The following RNF213 variants were observed in gnomAD, a reference collection of about 807,000 sequenced individuals.
The protein encoded by RNF213 is E3 ubiquitin-protein ligase RNF213.
In RNF213, 341 loss-of-function variants were observed where a neutral mutation model predicts 514.4. The observed-to-expected ratio is 0.66, with a 90% CI of 0.61 to 0.73. RNF213 has a LOEUF of 0.73. Among genes scored for constraint, RNF213 ranks in the 30% least tolerant of loss-of-function variants. RNF213 has a pLI of 0.00. For synonymous variants in RNF213, 2,655 were observed against 2,658.2 expected, an observed-to-expected ratio of 1.00 and a Z score of 0.04; for missense variants, 5,767 against 6,615.6, an observed-to-expected ratio of 0.87 and a Z score of 4.45.
chr17:80,335,194 G>T lies in RNF213; in HGVS notation c.4309+924G>T, dbSNP rs548659875. Among the ~76,000 whole-genome samples the T allele has an allele frequency of 5.3e-5, 8 of 152,208 alleles. No homozygotes were observed. The South Asian group carries it at 8.3e-4, about 16-fold the overall frequency. ...CATCTCAGCCTCCCAAAGTGCAGGC[G>T]TGAGCAAGTACAGGCGTGAGCCACC... On this transcript the variant is annotated intron_variant, in intron 22 of 67. Transcript: ENST00000582970.
chr17:80,289,744 A>T lies in RNF213; in HGVS notation c.1019A>T (p.Lys340Met), dbSNP rs148143253. Residue 340 changes from lysine (K) to methionine (M), a missense_variant, in exon 6 of 68, where the codon AAG becomes ATG. Lys to Met is a moderately conservative substitution (Grantham distance 95). Transcript: ENST00000582970. Reference protein sequence around the residue: ...KNEQGEPEDLKKPEGKNRSAA... With the variant: ...KNEQGEPEDLMKPEGKNRSAA... ...GAACAAGGGGAGCCTGAAGACCTCA[A>T]GAAGCCAGAGGGGAAGAACAGAAGT... The T allele has an allele frequency of 1.2e-6, 2 of 1,614,008 alleles. No homozygotes were observed. Among genetic ancestry groups the T allele is most frequent in the Non-Finnish European group, 1.7e-6 (2 of 1,180,024 alleles).
chr17:80,341,801 T>C (rs904271605), intron 26 of RNF213: 1 of 152,184 alleles, frequency 6.6e-6, no homozygotes, highest in East Asian at 1.9e-4. Flanking sequence ...ACTGTACCTT[T>C]TCTACATTTT....
Position 80,345,493 on chromosome 17 carries a change from C to T in RNF213, c.7158C>T (p.Ala2386=), listed in dbSNP as rs1410134613. 2 of 1,610,148 alleles carry T rather than the reference C, an allele frequency of 1.2e-6. No individual in the cohort carries two copies. Among genetic ancestry groups the T allele is most frequent in the Admixed American group, 1.7e-5 (1 of 59,848 alleles). ...RLCLTLGIPQ[A]TDPDKTYELT... ...GCCTGACCTTAGGGATCCCCCAGGCCACCGACCCCGACAAAACGTATGAGC... is the reference window on the plus strand; with the variant it reads ...GCCTGACCTTAGGGATCCCCCAGGCTACCGACCCCGACAAAACGTATGAGC... The change falls in exon 29 of 68, where the codon GCC becomes GCT. Residue 2386 remains alanine (A), a synonymous_variant. Transcript: ENST00000582970. The surrounding 1 kb of genome is among the most constrained non-coding windows in gnomAD (Gnocchi z 6.0).
rs1185228181 is a variant in RNF213 at position 80,383,880 on chromosome 17, G to GA, written c.14279dup (p.Asn4760LysfsTer27). 9 of 1,614,224 alleles carry GA rather than the reference G, an allele frequency of 5.6e-6. No individual in the cohort carries two copies. The highest frequency in any genetic ancestry group is 7.6e-6 in the Non-Finnish European group (9 of 1,180,034). On this transcript the variant is annotated frameshift_variant, in exon 59 of 68. Transcript: ENST00000582970. LOFTEE classifies it high-confidence loss of function. ...AGTACCTCCAGCACATTGTGGAACA[G>GA]AAAAATGGCAAAGAAAGAGTGCCCA...
intron 17 of RNF213, among the ~76,000 whole-genome samples, chr17:80,322,329 TA>T (rs924915742): frequency 7.4e-5 from 11 of 149,566 alleles, no homozygotes; most frequent in African/African-American, 1.7e-4. Flanking sequence ...TTCAGCTAAT[TA>T]AAAAAAAAAT....
intron 36 of RNF213, among the ~76,000 whole-genome samples, chr17:80,358,083 G>A (rs568194044): frequency 2.0e-5 from 3 of 152,190 alleles, no homozygotes; most frequent in Non-Finnish European, 4.4e-5. Flanking sequence ...TTCCAGTTCC[G>A]TCTCTAATCT....
chr17:80,374,740 C>CA (rs1210912562), intron 50 of RNF213, 151 bp downstream of exon 50: 1 of 879,794 alleles, frequency 1.1e-6, no homozygotes, highest in Non-Finnish European at 1.8e-6. Context: ...CCACAGCCTC[C>CA]AGGGCGCACC....
rs1470947925 is a variant in RNF213, at chr17:80,343,312, A to G, written c.6170A>G (p.Asp2057Gly). The G allele has an allele frequency of 1.2e-6, 2 of 1,611,986 alleles. No homozygotes were observed. The highest frequency in any genetic ancestry group is 1.7e-6 in the Non-Finnish European group (2 of 1,179,564). The change falls in exon 27 of 68, where the codon GAC becomes GGC. Residue 2057 changes from aspartate to glycine, a missense_variant. By Grantham distance (94) the Asp-to-Gly change is moderately conservative. Coordinates refer to ENST00000582970, the MANE Select transcript of RNF213 (RefSeq NM_001256071.3). This position sits in a 1 kb window ranked among gnomAD's most constrained non-coding sequence, Gnocchi z 4.3. ...AAGGTCCCCGTGCTCTTTCACCTGG[A>G]CGTGACCTCCTCAGTAAGTGCCCTC... ...YQKVPVLFHL[D>G]VTSSVQTGIW...
At chr17:80,274,916 G>GGTGT (rs1420041349) in intron 3 of RNF213, among the ~76,000 whole-genome samples, 1 of 103,286 alleles carries the variant, frequency 9.7e-6, no homozygotes, top group African/African-American at 3.8e-5. Context: ...GTGTGAGTGG[G>GGTGT]GTGTGAGTGG....
intron 60 of RNF213, 113 bp from the exon 61 acceptor site, chr17:80,385,425 G>A (rs967691344): frequency 2.0e-6 from 2 of 1,000,176 alleles, no homozygotes; most frequent in African/African-American, 3.2e-5. Context: ...AGACATGCTT[G>A]TGACTGCACA....
In RNF213 at chr17:80,336,323, A is replaced by G; in HGVS notation, c.4472A>G (p.His1491Arg). The G allele has an allele frequency of 6.5e-7, 1 of 1,537,282 alleles. No individual in the cohort carries two copies. The highest frequency in any genetic ancestry group is 8.7e-7 in the Non-Finnish European group (1 of 1,146,924). Residue 1491 changes from histidine to arginine, a missense_variant, in exon 23 of 68, where the codon CAT becomes CGT. Transcript: ENST00000582970. ...PSVDFSAFMK[H>R]LKKLWKALDK... ...GTGGACTTCAGTGCATTCATGAAGC[A>G]TCTGAAAAAGCTGTGGAAGGCTCTG... is the stretch of plus-strand genomic sequence containing the variant.
chr17:80,344,878 C>CA lies in RNF213; in HGVS notation c.6544dup (p.Thr2182AsnfsTer49), dbSNP rs1302754122. ...GATTCAATCAAAACCAAGACCTAGA[C>CA]ACGTTTCAGTATCAAGAAGGCTCTG... On this transcript the variant is annotated frameshift_variant, in exon 29 of 68. Transcript: ENST00000582970. LOFTEE classifies it high-confidence loss of function. 1 of 1,614,186 alleles carries CA rather than the reference C, an allele frequency of 6.2e-7. No individual in the cohort carries two copies. Among genetic ancestry groups the CA allele is most frequent in the South Asian group, 1.1e-5 (1 of 91,088 alleles).
intron 57 of RNF213, chr17:80,382,188 T>TA (rs35569924): frequency 0.33 from 50,428 of 154,188 alleles, 8,101 homozygotes; most frequent in African/African-American, 0.38. Context: ...ACAGTTATGT[T>TA]AAAAAAAAAA....
Position 80,288,096 on chromosome 17 carries a change from G to C in RNF213, c.543G>C (p.Glu181Asp). The C allele has an allele frequency of 6.2e-7, 1 of 1,607,798 alleles. No individual in the cohort carries two copies. The highest frequency in any genetic ancestry group is 8.5e-7 in the Non-Finnish European group (1 of 1,176,300). ...CCCTGCAGGCCCAGGCTTTGGGAGA[G>C]GCAGGAGTGGCCACAGGAAGTGAGG... is the stretch of plus-strand genomic sequence containing the variant. ...DSPLQAQALG[E>D]AGVATGSEAQ... is the part of the protein sequence containing the mutation. The change falls in exon 4 of 68, where the codon GAG (glutamate) becomes GAC (aspartate). Residue 181 changes from glutamate (E) to aspartate (D), a missense_variant. Physicochemically the swap from Glu to Asp is conservative, Grantham distance 45. Transcript: ENST00000582970. This position sits in a 1 kb window ranked among gnomAD's most constrained non-coding sequence, Gnocchi z 4.9.
rs1002063557 is a variant in RNF213 at position 80,308,926 on chromosome 17, A to G, written c.2502-92A>G. 1.3e-5 allele frequency: 20 copies of G among 1,487,056 alleles called. No individual in the cohort carries two copies. In the Admixed American group the frequency reaches 2.3e-4, roughly 17 times the overall value. 92.1% of individuals were successfully genotyped at this position (1,487,056 alleles called of 1,614,324 possible). On this transcript the variant is annotated intron_variant, in intron 13 of 67. Transcript: ENST00000582970. Reference sequence around the variant, plus strand: ...TCAAACAAATGCCCTGTTGGTAGTTATTTTGAAGGAAGGAGCTAGTCATCA... The same window carrying G: ...TCAAACAAATGCCCTGTTGGTAGTTGTTTTGAAGGAAGGAGCTAGTCATCA...
Position 80,361,820 on chromosome 17 carries a change from C to A in RNF213, c.11287C>A (p.Leu3763Ile). The change falls in exon 39 of 68, where the codon CTT (leucine) becomes ATT (isoleucine). Residue 3763 changes from leucine to isoleucine, a missense_variant. Leu to Ile is a conservative substitution (Grantham distance 5). Coordinates refer to ENST00000582970, the MANE Select transcript of RNF213 (RefSeq NM_001256071.3). Reference protein sequence around the residue: ...AQLHGEPQQELLQCYLKDFIL... With the variant: ...AQLHGEPQQEILQCYLKDFIL... ...GCTCCATGGAGAGCCGCAGCAGGAA[C>A]TTCTTCAGTGTTACTTGAAGGATTT... The A allele has an allele frequency of 6.2e-7, 1 of 1,614,062 alleles. No homozygotes were observed. Among genetic ancestry groups the A allele is most frequent in the Non-Finnish European group, 8.5e-7 (1 of 1,179,896 alleles).
chr17:80,386,876 C>A lies in RNF213; in HGVS notation c.14907C>A (p.Pro4969=), dbSNP rs1182845441. ...TCAGCCGCTTCCTCCAGGGCAAGCCCCGGCTGAGCCTCAAGGTAGGGCTGA... is the reference window on the plus strand; with the variant it reads ...TCAGCCGCTTCCTCCAGGGCAAGCCACGGCTGAGCCTCAAGGTAGGGCTGA... The part of the protein sequence containing the change: ...QIVSRFLQGK[P]RLSLKGIPTL... The change falls in exon 63 of 68, where the codon CCC becomes CCA. Residue 4969 remains proline, a synonymous_variant. Coordinates refer to ENST00000582970, the MANE Select transcript of RNF213 (RefSeq NM_001256071.3). The A allele has an allele frequency of 1.9e-6, 3 of 1,612,774 alleles. No homozygotes were observed. In the Admixed American group the frequency reaches 5.0e-5, roughly 27 times the overall value.
At chr17:80,269,915 T>G (rs1277777043) in intron 2 of RNF213, among the ~76,000 whole-genome samples, 4 of 151,998 alleles carry the variant, frequency 2.6e-5, no homozygotes, top group Admixed American at 2.0e-4. Flanking sequence ...AGTATGTCTC[T>G]TATTTCTGAA....
In RNF213 at chr17:80,386,415, C is replaced by G; in HGVS notation, c.14705C>G (p.Ser4902Cys). Residue 4902 changes from serine to cysteine, a missense_variant, in exon 62 of 68, where the codon TCC becomes TGC. Physicochemically the swap from Ser to Cys is moderately radical, Grantham distance 112. Coordinates refer to ENST00000582970, the MANE Select transcript of RNF213 (RefSeq NM_001256071.3). ...NEIVYAVEKLSKENNSYSVDA... is the reference protein window; with the variant it reads ...NEIVYAVEKLCKENNSYSVDA... ...ATTGTCTACGCCGTGGAAAAACTCT[C>G]CAAGGAAAACAACAGGTTTGTGCAC... The G allele has an allele frequency of 6.2e-7, 1 of 1,614,118 alleles. No individual in the cohort carries two copies. The highest frequency in any genetic ancestry group is 2.2e-5 in the East Asian group (1 of 44,870).
Sources: allele counts gnomAD v4.1 joint callset (sites outside exome capture counted in the v4.1 genomes callset), GRCh38; gene constraint gnomAD v4.1.1; non-coding constraint Gnocchi (gnomAD v3.1); transcripts MANE v1.5; gene names NCBI Gene and HGNC (gene_info 2026-07-23, HGNC 2026-07-21).